RYR3: variants seen among roughly 807,000 people sequenced by gnomAD.
The protein encoded by RYR3 is brain ryanodine receptor-calcium release channel.
RYR3 carries 207 observed loss-of-function variants against 584.3 expected under a neutral mutation model. The ratio of observed to expected loss-of-function variants is 0.35; its 90% CI spans 0.32 to 0.40. RYR3 has a LOEUF of 0.40. Among genes scored for constraint, RYR3 ranks in the 10% least tolerant of loss-of-function variants. The pLI, the probability that RYR3 is intolerant of heterozygous loss-of-function variation, is 1.00. For synonymous variants in RYR3, 2,416 were observed against 2,248.5 expected (o/e 1.07, Z -2.11); for missense variants, 5,616 against 6,089.2 (o/e 0.92, Z 2.59).
At chr15:33,612,905 T>C (rs1359263006) in intron 18 of RYR3, among the ~76,000 whole-genome samples, 2 of 152,250 alleles carry the variant, frequency 1.3e-5, no homozygotes, top group African/African-American at 4.8e-5. Flanking sequence ...ATTAAGTTTT[T>C]GTTATTTCTC....
At chr15:33,639,419 TAGCCCCAA>T (rs2061675164) in intron 27 of RYR3, among the ~76,000 whole-genome samples, 1 of 152,208 alleles carries the variant, frequency 6.6e-6, no homozygotes, top group Admixed American at 6.5e-5. Context: ...TTGATAACAG[TAGCCCCAA>T]GGCCTGGAAT....
At chr15:33,396,765 C>T (rs1482936473) in intron 1 of RYR3, among the ~76,000 whole-genome samples, 1 of 152,172 alleles carries the variant, frequency 6.6e-6, no homozygotes, top group East Asian at 1.9e-4. Context: ...TGGTTACCGT[C>T]AGTGAGATAA....
At chr15:33,438,603 A>G (rs1596141629) in intron 1 of RYR3, among the ~76,000 whole-genome samples, 1 of 152,190 alleles carries the variant, frequency 6.6e-6, no homozygotes, top group East Asian at 1.9e-4. Context: ...CAAGTTACAC[A>G]CACATGTGCA....
At chr15:33,694,535 C>T (rs1441656380) in intron 38 of RYR3, among the ~76,000 whole-genome samples, 4 of 139,424 alleles carry the variant, frequency 2.9e-5, no homozygotes, top group African/African-American at 4.9e-5. Context: ...TGAGCCACTG[C>T]GCCTGGCCTA....
In RYR3 at chr15:33,663,756, C is replaced by A; in HGVS notation, c.5619+19C>A. The A allele has an allele frequency of 1.9e-6, 3 of 1,583,282 alleles. No homozygotes were observed. The highest frequency in any genetic ancestry group is 2.3e-5 in the East Asian group (1 of 43,470). On this transcript the variant is annotated intron_variant, in intron 36 of 103. Coordinates refer to ENST00000634891, the MANE Select transcript of RYR3 (RefSeq NM_001036.6). ...GGAGCAGGTGAGGGTCCTTCCTGAG[C>A]CTCTGTCCAGTTCCTATGGAAGAAC...
chr15:33,337,953 T>C (rs1971335124), intron 1 of RYR3, among the ~76,000 whole-genome samples: 1 of 133,550 alleles, frequency 7.5e-6, no homozygotes, highest in Non-Finnish European at 1.6e-5. Flanking sequence ...TTTTTTTTTT[T>C]TTTTTTTTTG....
chr15:33,583,323 T>C (rs1381394955), intron 14 of RYR3, among the ~76,000 whole-genome samples: 2 of 152,252 alleles, frequency 1.3e-5, no homozygotes, highest in Non-Finnish European at 2.9e-5. Flanking sequence ...CCAGCTGTGT[T>C]CACTGGGATG....
chr15:33,703,589 T>TTTACAGCCCCTA (rs1566985112), intron 42 of RYR3, among the ~76,000 whole-genome samples: 1 of 152,148 alleles, frequency 6.6e-6, no homozygotes, highest in African/African-American at 2.4e-5. Context: ...TAATCACCTC[T>TTTACAGCCCCTA]TTACAGCCCC....
At chr15:33,581,748 C>T (rs2058605221) in intron 14 of RYR3, 105 bp downstream of exon 14, 1 of 974,630 alleles carries the variant, frequency 1.0e-6, no homozygotes, top group Non-Finnish European at 1.6e-6. Flanking sequence ...GATACTTGGA[C>T]TGCCTCATTC....
At chr15:33,718,214 T>G (rs10519862) in intron 43 of RYR3, among the ~76,000 whole-genome samples, 3,934 of 152,240 alleles carry the variant, frequency 0.026, 171 homozygotes, top group African/African-American at 0.09. Flanking sequence ...AATTGAAATC[T>G]GAGGTAGTAG....
chr15:33,311,115 G>C lies in RYR3; in HGVS notation c.51+19G>C, dbSNP rs370125649. 1.3e-6 allele frequency: 2 copies of C among 1,561,712 alleles called. No homozygotes were observed. Among genetic ancestry groups the C allele is most frequent in the South Asian group, 1.2e-5 (1 of 85,806 alleles). Reference sequence around the variant, plus strand: ...GAGGACTGTGAGTCTCCGCGGCGGGGGCGAGGCCGTGGGCAGGTGGGGAGG... The same window carrying C: ...GAGGACTGTGAGTCTCCGCGGCGGGCGCGAGGCCGTGGGCAGGTGGGGAGG... On this transcript the variant is annotated intron_variant, in intron 1 of 103. Coordinates refer to ENST00000634891, the MANE Select transcript of RYR3 (RefSeq NM_001036.6). This position sits in a 1 kb window ranked among gnomAD's most constrained non-coding sequence, Gnocchi z 4.4.
At chr15:33,653,384 T>C (rs888472443) in intron 32 of RYR3, among the ~76,000 whole-genome samples, 6 of 152,160 alleles carry the variant, frequency 3.9e-5, no homozygotes, top group Non-Finnish European at 8.8e-5. Flanking sequence ...TAAAAATACA[T>C]TTATAGGCCA....
intron 4 of RYR3, among the ~76,000 whole-genome samples, 180 bp downstream of exon 4, chr15:33,530,846 A>T (rs770536209): frequency 6.6e-6 from 1 of 152,156 alleles, no homozygotes; most frequent in South Asian, 2.1e-4. Context: ...AATAATTGCA[A>T]TTGTGTTTTT....
chr15:33,677,577 C>G (rs996680160), intron 38 of RYR3, among the ~76,000 whole-genome samples: 1 of 152,164 alleles, frequency 6.6e-6, no homozygotes, highest in Non-Finnish European at 1.5e-5. Flanking sequence ...ATGGATGAAA[C>G]CCCTTGGGAC....
chr15:33,623,281 T>G (rs1303171443), intron 19 of RYR3, among the ~76,000 whole-genome samples: 1 of 152,234 alleles, frequency 6.6e-6, no homozygotes, highest in Non-Finnish European at 1.5e-5. Flanking sequence ...TCGCCAGCCA[T>G]GTACCATTTG....
chr15:33,663,427 G>C, intron 35 of RYR3, 110 bp from the exon 36 acceptor site: 1 of 883,072 alleles, frequency 1.1e-6, no homozygotes, highest in Non-Finnish European at 1.8e-6. Flanking sequence ...TATGGCTACT[G>C]TGTGGCAATT....
At chr15:33,817,560 C>G (rs887985258) in intron 75 of RYR3, among the ~76,000 whole-genome samples, 1 of 152,216 alleles carries the variant, frequency 6.6e-6, no homozygotes, top group African/African-American at 2.4e-5. Context: ...GAACCTTTTT[C>G]TCTTACCACT....
intron 62 of RYR3, among the ~76,000 whole-genome samples, chr15:33,771,285 C>T (rs2073549805): frequency 1.3e-5 from 2 of 152,232 alleles, no homozygotes; most frequent in African/African-American, 4.8e-5. Context: ...CCTGTAATCC[C>T]AGCACTTTGG....
At chr15:33,435,924 C>T (rs528610289) in intron 1 of RYR3, among the ~76,000 whole-genome samples, 26 of 152,318 alleles carry the variant, frequency 1.7e-4, no homozygotes, top group African/African-American at 6.3e-4. Context: ...TTATTTGACC[C>T]TGCCCATGTC....
Sources: gnomAD v4.1 joint callset for allele counts (sites outside exome capture counted in the v4.1 genomes callset) on GRCh38, gnomAD v4.1.1 for gene constraint, Gnocchi (gnomAD v3.1) non-coding constraint, MANE v1.5 for transcripts, NCBI Gene and HGNC (gene_info 2026-07-23, HGNC 2026-07-21) for gene names.